The following CNTN5 variants were observed in gnomAD, a reference collection of about 807,000 sequenced individuals.
CNTN5 encodes the protein contactin-5.
Under a neutral mutation model 129.1 loss-of-function variants are expected in CNTN5, and 77 were observed. The ratio of observed to expected loss-of-function variants is 0.60; its 90% confidence interval spans 0.50 to 0.72. CNTN5 has a LOEUF of 0.72. Among genes scored for constraint, CNTN5 ranks in the 30% least tolerant of loss-of-function variants. CNTN5 has a pLI of 0.00. For missense variants in CNTN5, 1,478 were observed against 1,328.8 expected (o/e 1.11, Z -1.75); for synonymous variants, 509 against 465.6 (o/e 1.09, Z -1.20).
rs367949659 is a variant in CNTN5, at chr11:99,788,591, T to C, written c.56-30953T>C. Among the ~76,000 whole-genome samples, 16 of 152,062 alleles carry C rather than the reference T, an allele frequency of 1.1e-4. 1 individual carries two copies. Among genetic ancestry groups the C allele is most frequent in the Middle Eastern group, 3.4e-3 (1 of 294 alleles). ...ACTGACCCCATACAAGTCACAGTGA[T>C]AGGCCTTCTAGAAGTTGATGCAACT... is the stretch of plus-strand genomic sequence containing the variant. On this transcript the variant is annotated intron_variant, in intron 3 of 24. Transcript: ENST00000524871.
intron 1 of CNTN5, among the ~76,000 whole-genome samples, chr11:99,189,238 C>CAT (rs1167792585): frequency 1.1e-4 from 16 of 151,510 alleles, no homozygotes; most frequent in African/African-American, 1.7e-4. Flanking sequence ...TACATTTATA[C>CAT]ATATATATAC....
chr11:99,232,704 A>G (rs1038040592), intron 1 of CNTN5, among the ~76,000 whole-genome samples: 2 of 152,284 alleles, frequency 1.3e-5, no homozygotes, highest in Middle Eastern at 3.4e-3. Context: ...AGGGATATAA[A>G]TATTTTATAA....
At chr11:99,159,561 G>A (rs1045960179) in intron 1 of CNTN5, among the ~76,000 whole-genome samples, 67 of 152,324 alleles carry the variant, frequency 4.4e-4, no homozygotes, top group African/African-American at 1.6e-3. Context: ...GGTGGAGGTT[G>A]CAGTGAGCCG....
rs528808944 is a variant in CNTN5 at position 100,012,207 on chromosome 11, G to A, written c.980+10071G>A. Among the ~76,000 whole-genome samples, 121 of 152,266 alleles carry A rather than the reference G, an allele frequency of 7.9e-4. 3 individuals are homozygous for A. The South Asian group carries it at 0.024, about 30-fold the overall frequency. On this transcript the variant is annotated intron_variant, in intron 9 of 24. Coordinates refer to ENST00000524871, the MANE Select transcript of CNTN5 (RefSeq NM_014361.4). ...CCATCATGAACTATTGCTTGCTTTAGTATGGTTGAGATGAAGGACACATCC... is the reference window on the plus strand; with the variant it reads ...CCATCATGAACTATTGCTTGCTTTAATATGGTTGAGATGAAGGACACATCC...
chr11:99,899,211 TTTTA>T (rs1236710552), intron 6 of CNTN5, among the ~76,000 whole-genome samples: 1 of 152,026 alleles, frequency 6.6e-6, no homozygotes, highest in Non-Finnish European at 1.5e-5. Flanking sequence ...TTTGGATGCC[TTTTA>T]TTTCTTTCTC....
chr11:99,437,872 T>G (rs908727066), intron 2 of CNTN5, among the ~76,000 whole-genome samples: 3 of 151,942 alleles, frequency 2.0e-5, no homozygotes, highest in African/African-American at 7.3e-5. Flanking sequence ...GGGTAAAAAC[T>G]CCACAGAAAA....
At chr11:99,426,094 A>G (rs1416322857) in intron 2 of CNTN5, among the ~76,000 whole-genome samples, 1 of 152,236 alleles carries the variant, frequency 6.6e-6, no homozygotes, top group Non-Finnish European at 1.5e-5. Flanking sequence ...ATAATCTAAA[A>G]AGAATTAAAC....
chr11:99,235,573 C>G (rs538993807), intron 1 of CNTN5, among the ~76,000 whole-genome samples: 1 of 152,240 alleles, frequency 6.6e-6, no homozygotes, highest in Admixed American at 6.5e-5. Flanking sequence ...AATATCCTTA[C>G]AATAGGTATA....
rs935907338 is a variant in CNTN5, at chr11:100,341,275, A to G, written c.3030+70A>G. Reference sequence around the variant, plus strand: ...TTGTTATTATGAAGATGGAAAATTAATAAGGCATAAAAAGACCCATTAACC... The same window carrying G: ...TTGTTATTATGAAGATGGAAAATTAGTAAGGCATAAAAAGACCCATTAACC... On this transcript the variant is annotated intron_variant, in intron 23 of 24. Coordinates refer to ENST00000524871, the MANE Select transcript of CNTN5 (RefSeq NM_014361.4). 43 of 1,180,232 alleles carry G rather than the reference A, an allele frequency of 3.6e-5. No individual in the cohort carries two copies. The Admixed American group carries it at 7.5e-4, about 21-fold the overall frequency. The allele number at this position is 1,180,232 out of a possible 1,614,324, so 73.1% of individuals were successfully genotyped here.
intron 2 of CNTN5, among the ~76,000 whole-genome samples, chr11:99,516,601 A>G (rs1347803415): frequency 6.6e-6 from 1 of 152,070 alleles, no homozygotes; most frequent in African/African-American, 2.4e-5. Context: ...AGGGTCACCA[A>G]TGGGGCAGTG....
At chr11:100,137,727 T>A (rs1236215242) in intron 13 of CNTN5, among the ~76,000 whole-genome samples, 1 of 152,134 alleles carries the variant, frequency 6.6e-6, no homozygotes, top group African/African-American at 2.4e-5. Context: ...TTGCCATACA[T>A]TATCAGGCCG....
chr11:99,736,176 C>G (rs1167130168), intron 3 of CNTN5, among the ~76,000 whole-genome samples: 2 of 152,156 alleles, frequency 1.3e-5, no homozygotes, highest in Non-Finnish European at 2.9e-5. Flanking sequence ...AACTCTATTA[C>G]TTGCAGCTTT....
At chr11:99,239,085 G>A (rs79472112) in intron 1 of CNTN5, among the ~76,000 whole-genome samples, 6,021 of 151,982 alleles carry the variant, frequency 0.04, 404 homozygotes, top group African/African-American at 0.14. Flanking sequence ...ATTGTAAACA[G>A]TACTGTAAAA....
intron 6 of CNTN5, among the ~76,000 whole-genome samples, chr11:99,857,377 C>T (rs1398914543): frequency 1.3e-5 from 2 of 152,058 alleles, no homozygotes; most frequent in Non-Finnish European, 2.9e-5. Context: ...AGCCACTACC[C>T]TCAAAAAGAA....
intron 2 of CNTN5, among the ~76,000 whole-genome samples, chr11:99,476,764 TATTAAGGATTTTAGCAGCTGAAGTATG>T: frequency 6.6e-6 from 1 of 152,294 alleles, no homozygotes; most frequent in Non-Finnish European, 1.5e-5. Context: ...ATCTCTGACA[TATTAAGGATTTTAGCAGCTGAAGTATG>T]ATAGCTCATG....
At chr11:99,641,872 C>T (rs944286735) in intron 3 of CNTN5, among the ~76,000 whole-genome samples, 1 of 152,072 alleles carries the variant, frequency 6.6e-6, no homozygotes, top group Admixed American at 6.6e-5. Context: ...ATTTGTTTGC[C>T]ATAACTTCCA....
chr11:100,093,096 C>G (rs536551333), intron 13 of CNTN5, among the ~76,000 whole-genome samples: 17 of 152,118 alleles, frequency 1.1e-4, no homozygotes, highest in African/African-American at 3.9e-4. Context: ...AGTATTGTCC[C>G]TGATCCGCCA....
intron 2 of CNTN5, among the ~76,000 whole-genome samples, chr11:99,498,270 A>G (rs1460901643): frequency 2.0e-5 from 3 of 152,186 alleles, no homozygotes; most frequent in African/African-American, 7.2e-5. Context: ...GTAGCTCTAA[A>G]TAGCATTATC....
At chr11:99,448,118 A>G (rs1249336432) in intron 2 of CNTN5, among the ~76,000 whole-genome samples, 1 of 152,118 alleles carries the variant, frequency 6.6e-6, no homozygotes, top group Non-Finnish European at 1.5e-5. Context: ...TTTGAATTTC[A>G]TCAAATTTAT....
Sources: allele counts gnomAD v4.1 joint callset (sites outside exome capture counted in the v4.1 genomes callset), GRCh38; gene constraint gnomAD v4.1.1; transcripts MANE v1.5; gene names NCBI Gene and HGNC (gene_info 2026-07-23, HGNC 2026-07-21).